Variants in RRP15 observed in about 807,000 individuals in gnomAD.
RRP15 encodes RRP15-like protein.
A neutral mutation model predicts 27.1 loss-of-function variants in RRP15; 18 were observed. That is an observed-to-expected ratio of 0.66 (90% CI 0.46 to 0.98). The LOEUF is 0.98. Ranked by LOEUF, RRP15 falls within the 50% of genes least tolerant of loss-of-function variation. RRP15 has a pLI of 0.00. For synonymous variants in RRP15, 107 were observed against 109.4 expected, an observed-to-expected ratio of 0.98 and a Z score of 0.14; for missense variants, 359 against 337.8, an observed-to-expected ratio of 1.06 and a Z score of -0.49.
intron 3 of RRP15, among the ~76,000 whole-genome samples, chr1:218,306,455 A>G (rs556246760): frequency 2.6e-5 from 4 of 152,298 alleles, no homozygotes; most frequent in African/African-American, 9.6e-5. Context: ...GTCACTACCT[A>G]CAAACACAAC....
chr1:218,325,112 T>C (rs1158989182), intron 4 of RRP15, among the ~76,000 whole-genome samples: 2 of 152,218 alleles, frequency 1.3e-5, no homozygotes, highest in Non-Finnish European at 2.9e-5. Context: ...ACTCTCACTC[T>C]TTTGGTAAAG....
At chr1:218,286,456 C>T (rs1379373575) in intron 1 of RRP15, among the ~76,000 whole-genome samples, 1 of 152,208 alleles carries the variant, frequency 6.6e-6, no homozygotes, top group Non-Finnish European at 1.5e-5. Flanking sequence ...AGCCTCTGAT[C>T]CAGTGCCTTA....
At chr1:218,324,569 G>A (rs1038455513) in intron 4 of RRP15, among the ~76,000 whole-genome samples, 1 of 152,240 alleles carries the variant, frequency 6.6e-6, no homozygotes, top group Non-Finnish European at 1.5e-5. Context: ...CACTCCGGAT[G>A]GTCGGCCACT....
chr1:218,323,885 G>A (rs1408219630), intron 4 of RRP15, among the ~76,000 whole-genome samples: 1 of 152,186 alleles, frequency 6.6e-6, no homozygotes, highest in Non-Finnish European at 1.5e-5. Context: ...TGGGAGCGGG[G>A]AGAAACCGGG....
At chr1:218,315,528 A>G (rs1656075343) in intron 4 of RRP15, among the ~76,000 whole-genome samples, 1 of 152,116 alleles carries the variant, frequency 6.6e-6, no homozygotes, top group Non-Finnish European at 1.5e-5. Context: ...CCCAGGTTCA[A>G]GCAATTCTCA....
chr1:218,285,828 A>C (rs1558199031), intron 1 of RRP15, among the ~76,000 whole-genome samples: 1 of 152,090 alleles, frequency 6.6e-6, no homozygotes, highest in African/African-American at 2.4e-5. Flanking sequence ...AGGTTAAAAG[A>C]GGTAAGAGGA....
chr1:218,299,622 C>G (rs1405933232), intron 1 of RRP15, among the ~76,000 whole-genome samples: 1 of 152,104 alleles, frequency 6.6e-6, no homozygotes, highest in African/African-American at 2.4e-5. Context: ...TTACCAGGAG[C>G]TAGTCAAGAT....
chr1:218,299,394 T>C (rs1474162347), intron 1 of RRP15, among the ~76,000 whole-genome samples: 1 of 152,166 alleles, frequency 6.6e-6, no homozygotes, highest in Non-Finnish European at 1.5e-5. Flanking sequence ...TGTGTTCATA[T>C]TATGCATGTT....
chr1:218,286,843 T>G (rs1357043686), intron 1 of RRP15, among the ~76,000 whole-genome samples: 2 of 152,226 alleles, frequency 1.3e-5, no homozygotes, highest in African/African-American at 4.8e-5. Context: ...GAACTTCTGG[T>G]TCTGATATTT....
At chr1:218,326,192 G>A (rs1431406297) in intron 4 of RRP15, among the ~76,000 whole-genome samples, 1 of 152,120 alleles carries the variant, frequency 6.6e-6, no homozygotes, top group African/African-American at 2.4e-5. Context: ...TGTAATCCCA[G>A]CTACTCGGGA....
At chr1:218,305,755 G>A (rs1415808353) in intron 3 of RRP15, among the ~76,000 whole-genome samples, 1 of 152,118 alleles carries the variant, frequency 6.6e-6, no homozygotes, top group African/African-American at 2.4e-5. Flanking sequence ...GTTATATTTA[G>A]CAGAATTACT....
At chr1:218,318,648 A>G (rs1367111136) in intron 4 of RRP15, among the ~76,000 whole-genome samples, 1 of 152,112 alleles carries the variant, frequency 6.6e-6, no homozygotes, top group East Asian at 1.9e-4. Context: ...AGCTTATACT[A>G]TGTACTTGCT....
intron 1 of RRP15, among the ~76,000 whole-genome samples, chr1:218,290,607 A>G (rs1048967866): frequency 2.0e-5 from 3 of 152,150 alleles, no homozygotes; most frequent in South Asian, 4.1e-4. Flanking sequence ...AGCTGGGACT[A>G]TAGGCGTACA....
Position 218,335,956 on chromosome 1 carries a change from T to C in RRP15, c.*4865T>C, listed in dbSNP as rs1279433924. On this transcript the variant is annotated 3_prime_UTR_variant, in exon 5 of 5. Transcript: ENST00000366932. Reference sequence around the variant, plus strand: ...GCATTTGGTTTTTTAGCATTATTTATCATCTGAGGCTTTCAGAATTAATGC... The same window carrying C: ...GCATTTGGTTTTTTAGCATTATTTACCATCTGAGGCTTTCAGAATTAATGC... 1 of 152,218 alleles carries C rather than the reference T, an allele frequency of 6.6e-6. No homozygotes were observed. Among genetic ancestry groups the C allele is most frequent in the African/African-American group, 2.4e-5 (1 of 41,448 alleles). The allele number at this position is 152,218 out of a possible 1,614,324, so 9.4% of individuals were successfully genotyped here.
At chr1:218,310,054 G>T (rs926664585) in intron 4 of RRP15, among the ~76,000 whole-genome samples, 2 of 152,172 alleles carry the variant, frequency 1.3e-5, no homozygotes, top group Non-Finnish European at 2.9e-5. Flanking sequence ...GATTTGATGT[G>T]CCAAAGTGCT....
At chr1:218,303,938 A>G (rs758706910) in intron 2 of RRP15, among the ~76,000 whole-genome samples, 3 of 152,226 alleles carry the variant, frequency 2.0e-5, no homozygotes, top group Non-Finnish European at 2.9e-5. Flanking sequence ...TTAAGCATAC[A>G]TATTATCCTT....
intron 2 of RRP15, among the ~76,000 whole-genome samples, chr1:218,303,052 T>C (rs1162939770): frequency 6.6e-6 from 1 of 152,222 alleles, no homozygotes; most frequent in Non-Finnish European, 1.5e-5. Context: ...GAATTCATTA[T>C]GCTTTTGTTG....
At chr1:218,305,829 C>T (rs1037519542) in intron 3 of RRP15, among the ~76,000 whole-genome samples, 2 of 151,870 alleles carry the variant, frequency 1.3e-5, no homozygotes, top group East Asian at 1.9e-4. Flanking sequence ...TTACACAGTG[C>T]GATAGCGTGG....
intron 1 of RRP15, among the ~76,000 whole-genome samples, chr1:218,286,134 A>G (rs561697070): frequency 2.2e-4 from 34 of 152,138 alleles, no homozygotes; most frequent in Non-Finnish European, 4.1e-4. Context: ...GCTCCTTTGT[A>G]CCAGCTGATA....
Sources: gnomAD v4.1 joint callset for allele counts (sites outside exome capture counted in the v4.1 genomes callset) on GRCh38, gnomAD v4.1.1 for gene constraint, MANE v1.5 for transcripts, NCBI Gene and HGNC (gene_info 2026-07-23, HGNC 2026-07-21) for gene names.